The following TLK1 variants were observed in gnomAD, a reference collection of about 807,000 sequenced individuals.
The protein encoded by TLK1 is serine/threonine-protein kinase tousled-like 1.
TLK1 carries 24 observed loss-of-function variants against 105.3 expected under a neutral mutation model. The ratio of observed to expected loss-of-function variants is 0.23; its 90% confidence interval spans 0.17 to 0.32. The LOEUF (loss-of-function observed/expected upper bound fraction) is 0.32. TLK1 is among the 10% of genes least tolerant of loss of function. The probability of loss-of-function intolerance (pLI) is 1.00; values close to 1 mark genes in which losing one functional copy is unlikely to be tolerated. For synonymous variants in TLK1, 321 were observed against 310.4 expected (o/e 1.03, Z -0.36); for missense variants, 558 against 910.5 (o/e 0.61, Z 4.98).
intron 1 of TLK1, among the ~76,000 whole-genome samples, chr2:171,193,912 G>T (rs1000122834): frequency 2.0e-5 from 3 of 151,698 alleles, no homozygotes; most frequent in Non-Finnish European, 2.9e-5. Context: ...TGAAGACAGG[G>T]TTTCACCACG....
chr2:171,162,797 G>GT (rs1257781908), upstream of TLK1, among the ~76,000 whole-genome samples: 3 of 151,994 alleles, frequency 2.0e-5, no homozygotes, highest in Non-Finnish European at 2.9e-5. Flanking sequence ...CTTTGGTTTT[G>GT]TTTTTTGTTT....
rs551875154 is a variant in TLK1, at chr2:171,191,470, T to C, written c.-6+39675A>G. The stretch of plus-strand genomic sequence containing the variant: ...AGTGTGTGCCTACAGTCCCAGCTAC[T>C]ACAGGGACTGGGGCAGTAGGATTGG... On this transcript the variant is annotated intron_variant, in intron 1 of 20. Transcript: ENST00000521943. Among the ~76,000 whole-genome samples, 6 of 152,034 alleles carry C rather than the reference T, an allele frequency of 3.9e-5. No homozygotes were observed. The East Asian group carries it at 9.7e-4, about 25-fold the overall frequency.
intron 1 of TLK1, among the ~76,000 whole-genome samples, chr2:171,194,037 G>C (rs528034128): frequency 1.3e-5 from 2 of 152,062 alleles, no homozygotes; most frequent in African/African-American, 4.8e-5. Context: ...TTTAATAATG[G>C]GATTGCCCTT....
At position 171,046,252 on chromosome 2, in the gene TLK1, G is replaced by C. The variant is rs769450292; in HGVS notation, c.1091C>G (p.Ser364Cys). 3.1e-6 allele frequency: 5 copies of C among 1,613,580 alleles called. No individual in the cohort carries two copies. The South Asian group carries it at 3.3e-5, about 11-fold the overall frequency. Residue 364 changes from serine to cysteine, a missense_variant, in exon 11 of 21, where the codon TCT becomes TGT. This residue lies in a region of TLK1 where 218 missense variants were observed against 492.9 expected (regional missense o/e 0.44). Transcript: ENST00000431350. ...ANNSQAPSTNSEPKQRKNKAV... is the reference protein window; with the variant it reads ...ANNSQAPSTNCEPKQRKNKAV... ...TTTGTTTTTCCTTTGTTTTGGTTCA[G>C]AATTGGTAGAGGGTGCCTGAGAATT...
At chr2:171,211,238 T>G (rs1324347478) in intron 1 of TLK1, among the ~76,000 whole-genome samples, 4 of 152,218 alleles carry the variant, frequency 2.6e-5, no homozygotes, top group African/African-American at 7.2e-5. Flanking sequence ...CGACAAAAAT[T>G]TAAACAAGCA....
intron 1 of TLK1, among the ~76,000 whole-genome samples, chr2:171,188,567 G>A (rs1693079980): frequency 6.6e-6 from 1 of 152,134 alleles, no homozygotes; most frequent in Non-Finnish European, 1.5e-5. Context: ...TTAGCCGGGT[G>A]TGGTGGTGTG....
At chr2:171,214,248 C>T (rs1693673166) in intron 1 of TLK1, among the ~76,000 whole-genome samples, 1 of 152,060 alleles carries the variant, frequency 6.6e-6, no homozygotes, top group South Asian at 2.1e-4. Flanking sequence ...CAAGGTGGGA[C>T]CTAGTGTCTT....
chr2:171,145,338 T>G (rs1179534968), intron 1 of TLK1, among the ~76,000 whole-genome samples: 1 of 151,324 alleles, frequency 6.6e-6, no homozygotes, highest in Non-Finnish European at 1.5e-5. Flanking sequence ...ACACCTGTAA[T>G]CCCAGCACTT....
chr2:171,150,193 T>C (rs1428504768), intron 1 of TLK1, among the ~76,000 whole-genome samples: 1 of 152,132 alleles, frequency 6.6e-6, no homozygotes, highest in Non-Finnish European at 1.5e-5. Flanking sequence ...ATGAGCTAAG[T>C]ACACGTATCC....
rs571890429 is a variant in TLK1 at position 171,103,264 on chromosome 2, T to TTATATATATATATATATATA, written c.258+14474_258+14475insTATATATATATATATATATA. Among the ~76,000 whole-genome samples the TTATATATATATATATATATA allele has an allele frequency of 2.1e-3, 290 of 136,460 alleles. 2 individuals are homozygous for TTATATATATATATATATATA. The highest frequency in any genetic ancestry group is 3.6e-3 in the African/African-American group (118 of 32,506). The allele number at this position is 136,460 out of a possible 152,430, so 89.5% of individuals were successfully genotyped here. A position where few individuals can be genotyped will look rare whatever the true frequency, so the allele number is the denominator to read the frequency against. ...GTTAAGAAAAAAATTGATCTCAAAT[T>TTATATATATATATATATATA]TATATATATATATATATAATTTTTT... On this transcript the variant is annotated intron_variant, in intron 2 of 20. Transcript: ENST00000431350.
At chr2:171,052,505 G>C (rs539426862) in intron 8 of TLK1, among the ~76,000 whole-genome samples, 1 of 152,270 alleles carries the variant, frequency 6.6e-6, no homozygotes, top group South Asian at 2.1e-4. Context: ...TGGTATACTT[G>C]TAACACCTTA....
chr2:171,204,527 CTTGTGTCATT>C lies in TLK1; in HGVS notation c.-6+26608_-6+26617del, dbSNP rs201651287. ...CCAGCTTAAAGGCAGGCCTGGTCAA[CTTGTGTCATT>C]TTGTGTCATTTGAGCATCCAAAAAA... On this transcript the variant is annotated intron_variant, in intron 1 of 20. Transcript: ENST00000521943. Among the ~76,000 whole-genome samples, 1,376 of 148,272 alleles carry C rather than the reference CTTGTGTCATT, an allele frequency of 9.3e-3. 14 individuals carry two copies. Among genetic ancestry groups the C allele is most frequent in the African/African-American group, 0.03 (1,190 of 40,034 alleles).
intron 1 of TLK1, among the ~76,000 whole-genome samples, chr2:171,118,621 G>C (rs1429109035): frequency 2.6e-5 from 4 of 152,118 alleles, no homozygotes; most frequent in Non-Finnish European, 5.9e-5. Context: ...GCAGACTAAA[G>C]CACTCCAAAT....
chr2:171,085,535 G>A (rs778575565), intron 2 of TLK1, among the ~76,000 whole-genome samples: 9 of 151,986 alleles, frequency 5.9e-5, no homozygotes, highest in South Asian at 2.1e-4. Flanking sequence ...CCCAGAAAGC[G>A]AACATCAAAG....
intron 2 of TLK1, among the ~76,000 whole-genome samples, chr2:171,108,604 AT>A (rs1201608296): frequency 0.017 from 2,495 of 147,282 alleles, 65 homozygotes; most frequent in African/African-American, 0.054. Context: ...AATGCATTTA[AT>A]TTTTTTTTTT....
intron 14 of TLK1, 88 bp downstream of exon 14, chr2:171,011,285 T>A (rs1460295418): frequency 9.5e-6 from 11 of 1,161,728 alleles, no homozygotes; most frequent in African/African-American, 3.1e-5. Flanking sequence ...TGAGCCACCA[T>A]GCCCAGACAA....
intron 10 of TLK1, among the ~76,000 whole-genome samples, chr2:171,049,496 C>G (rs1053937208): frequency 6.6e-6 from 1 of 152,126 alleles, no homozygotes; most frequent in Non-Finnish European, 1.5e-5. Context: ...TAAACACACA[C>G]ACAAATCTTC....
intron 1 of TLK1, among the ~76,000 whole-genome samples, chr2:171,208,557 G>A (rs1693551841): frequency 2.0e-5 from 3 of 152,136 alleles, no homozygotes. Flanking sequence ...CCCTAAAAAT[G>A]CATGTACTCC....
intron 1 of TLK1, among the ~76,000 whole-genome samples, chr2:171,222,173 C>A (rs1693821030): frequency 1.3e-5 from 2 of 152,204 alleles, no homozygotes; most frequent in African/African-American, 4.8e-5. Context: ...GCTGTAGACT[C>A]CCTTATCCTG....
Sources: allele counts gnomAD v4.1 joint callset (sites outside exome capture counted in the v4.1 genomes callset), GRCh38; gene constraint gnomAD v4.1.1; regional missense constraint gnomAD v4.1.1; transcripts MANE v1.5; gene names NCBI Gene and HGNC (gene_info 2026-07-23, HGNC 2026-07-21).